RASA2: variants seen among roughly 807,000 people sequenced by gnomAD.
The protein encoded by RASA2 is ras GTPase-activating protein 2.
RASA2 carries 155 observed loss-of-function variants against 118.2 expected under a neutral mutation model. That is an observed-to-expected ratio of 1.31 (90% CI 1.15 to 1.50). The LOEUF (loss-of-function observed/expected upper bound fraction) is 1.50. Among genes scored for constraint, RASA2 ranks in the 40% most tolerant of loss-of-function variants. The pLI, the probability that RASA2 is intolerant of heterozygous loss-of-function variation, is 0.00. For missense variants in RASA2, 1,016 were observed against 1,009.6 expected (o/e 1.01, Z -0.09); for synonymous variants, 353 against 349.1 (o/e 1.01, Z -0.12).
intron 9 of RASA2, 35 bp downstream of exon 9, chr3:141,560,030 T>G: frequency 6.6e-7 from 1 of 1,512,638 alleles, no homozygotes; most frequent in South Asian, 1.1e-5. Context: ...CTCCATAGTT[T>G]AATTCTCTTT....
intron 4 of RASA2, among the ~76,000 whole-genome samples, chr3:141,532,077 A>T (rs572427475): frequency 6.6e-5 from 10 of 152,146 alleles, no homozygotes; most frequent in Non-Finnish European, 1.5e-4. Flanking sequence ...ATACCAGTGT[A>T]TCCTAAGCAC....
chr3:141,491,641 G>C (rs1026491774), intron 1 of RASA2, among the ~76,000 whole-genome samples: 3 of 152,088 alleles, frequency 2.0e-5, no homozygotes, highest in Admixed American at 2.0e-4. Flanking sequence ...AACTGTATGA[G>C]TCTGCATCAG....
chr3:141,541,864 C>G (rs1025211090), intron 5 of RASA2, among the ~76,000 whole-genome samples: 1 of 150,328 alleles, frequency 6.7e-6, no homozygotes, highest in Admixed American at 6.6e-5. Context: ...AAAAATAGTT[C>G]AAGATCTGTT....
rs184659776 is a variant in RASA2 at position 141,562,697 on chromosome 3, G to A, written c.863+2702G>A. ...AACGTTAAACTTTTTTTTTTTATAC[G>A]GAGTCTCGCTCTGTCTCCAGGCTGG... On this transcript the variant is annotated intron_variant, in intron 9 of 23. Transcript: ENST00000286364. Among the ~76,000 whole-genome samples the A allele has an allele frequency of 4.2e-3, 619 of 148,812 alleles. 7 individuals carry two copies. Among genetic ancestry groups the A allele is most frequent in the African/African-American group, 0.015 (590 of 40,606 alleles).
At chr3:141,612,143 ACT>A (rs1464724941) in intron 23 of RASA2, 138 bp from the exon 24 acceptor site, 2 of 669,300 alleles carry the variant, frequency 3.0e-6, no homozygotes, top group Non-Finnish European at 2.6e-6. Context: ...GTCAGTAAGT[ACT>A]CATTGAATTA....
chr3:141,525,545 TCTATAACCCCAGCA>T (rs369437202), intron 3 of RASA2, among the ~76,000 whole-genome samples: 2,321 of 152,216 alleles, frequency 0.015, 58 homozygotes, highest in African/African-American at 0.052. Flanking sequence ...GTGGCTCATG[TCTATAACCCCAGCA>T]CTTTGGGAGG....
intron 19 of RASA2, among the ~76,000 whole-genome samples, chr3:141,587,091 G>A (rs1462479058): frequency 6.6e-6 from 1 of 152,158 alleles, no homozygotes; most frequent in Non-Finnish European, 1.5e-5. Context: ...GGCAAAATTA[G>A]CAAGATTCCA....
intron 19 of RASA2, among the ~76,000 whole-genome samples, chr3:141,588,111 C>A (rs2083234530): frequency 6.6e-6 from 1 of 152,250 alleles, no homozygotes; most frequent in South Asian, 2.1e-4. Flanking sequence ...AATTCAAGCA[C>A]AAAATCCTCT....
chr3:141,519,082 A>T (rs1317678717), intron 3 of RASA2, among the ~76,000 whole-genome samples: 1 of 152,172 alleles, frequency 6.6e-6, no homozygotes, highest in Non-Finnish European at 1.5e-5. Context: ...CCCCAGGATA[A>T]ATTCCTAGAA....
chr3:141,525,570 C>T (rs1293035253), intron 3 of RASA2, among the ~76,000 whole-genome samples: 1 of 152,050 alleles, frequency 6.6e-6, no homozygotes, highest in Non-Finnish European at 1.5e-5. Context: ...CTTTGGGAGG[C>T]CAAGGCAGTT....
chr3:141,534,315 G>C (rs1408752517), intron 4 of RASA2, among the ~76,000 whole-genome samples: 1 of 152,124 alleles, frequency 6.6e-6, no homozygotes, highest in Non-Finnish European at 1.5e-5. Flanking sequence ...CAGACAGATT[G>C]CTTGAGCCCA....
chr3:141,531,250 T>G (rs1425289091), intron 4 of RASA2, among the ~76,000 whole-genome samples: 2 of 151,938 alleles, frequency 1.3e-5, no homozygotes, highest in East Asian at 1.9e-4. Flanking sequence ...CCATTACATT[T>G]TATAAAACTC....
At chr3:141,587,547 A>G (rs963476680) in intron 19 of RASA2, among the ~76,000 whole-genome samples, 5 of 152,154 alleles carry the variant, frequency 3.3e-5, no homozygotes, top group African/African-American at 1.2e-4. Context: ...CCCCATCTCT[A>G]CTAAAAGTAC....
chr3:141,554,102 A>G (rs1053450505), intron 6 of RASA2, among the ~76,000 whole-genome samples, 162 bp downstream of exon 6: 3 of 152,212 alleles, frequency 2.0e-5, no homozygotes, highest in African/African-American at 7.2e-5. Context: ...TACACTTGTC[A>G]ATAACAAAGC....
chr3:141,542,389 T>C (rs1033192305), intron 5 of RASA2, among the ~76,000 whole-genome samples: 2 of 152,208 alleles, frequency 1.3e-5, no homozygotes, highest in African/African-American at 4.8e-5. Flanking sequence ...TTTCTTGCCA[T>C]AATTTGGTAG....
chr3:141,596,165 A>G (rs1478321053), intron 19 of RASA2, among the ~76,000 whole-genome samples: 2 of 152,202 alleles, frequency 1.3e-5, no homozygotes, highest in African/African-American at 4.8e-5. Context: ...TTGACTTTTT[A>G]CAAAGTATGT....
At chr3:141,583,160 A>G (rs1481847630) in intron 17 of RASA2, among the ~76,000 whole-genome samples, 1 of 152,206 alleles carries the variant, frequency 6.6e-6, no homozygotes, top group African/African-American at 2.4e-5. Flanking sequence ...GCAGTGGCTC[A>G]TGCCTGTAAT....
chr3:141,557,352 A>C (rs1387203743), intron 7 of RASA2, among the ~76,000 whole-genome samples: 1 of 152,252 alleles, frequency 6.6e-6, no homozygotes, highest in Non-Finnish European at 1.5e-5. Context: ...ACTCTGCTCC[A>C]TTAAAGGCTT....
intron 1 of RASA2, among the ~76,000 whole-genome samples, chr3:141,501,804 A>G (rs1283283081): frequency 6.6e-6 from 1 of 152,170 alleles, no homozygotes; most frequent in East Asian, 1.9e-4. Flanking sequence ...AAACTAGTCA[A>G]TACCAGAGAC....
Sources: gnomAD v4.1 joint callset for allele counts (sites outside exome capture counted in the v4.1 genomes callset) on GRCh38, gnomAD v4.1.1 for gene constraint, MANE v1.5 for transcripts, NCBI Gene and HGNC (gene_info 2026-07-23, HGNC 2026-07-21) for gene names.